The following ARHGAP18 variants were observed in gnomAD, a reference collection of about 807,000 sequenced individuals.
ARHGAP18 encodes Rho GTPase activating protein 18.
In ARHGAP18, 67 loss-of-function variants were observed where a neutral mutation model predicts 86.2. That is an observed-to-expected ratio of 0.78 (90% CI 0.64 to 0.95). The LOEUF (loss-of-function observed/expected upper bound fraction) is 0.95, where lower values mean the gene tolerates loss of function less well. Among genes scored for constraint, ARHGAP18 ranks in the 40% least tolerant of loss-of-function variants. ARHGAP18 has a pLI of 0.00. For missense variants in ARHGAP18, 691 were observed against 780.4 expected (o/e 0.89, Z 1.37); for synonymous variants, 283 against 280.4 (o/e 1.01, Z -0.09).
chr6:129,590,860 T>C (rs6569613), intron 12 of ARHGAP18, among the ~76,000 whole-genome samples: 9,656 of 152,216 alleles, frequency 0.063, 692 homozygotes, highest in African/African-American at 0.18. Flanking sequence ...TTTATTTCTG[T>C]AGTGATTCAT....
chr6:129,700,425 C>T (rs935829838), intron 1 of ARHGAP18, among the ~76,000 whole-genome samples: 2 of 152,124 alleles, frequency 1.3e-5, no homozygotes, highest in African/African-American at 2.4e-5. Context: ...GAGTTCAATA[C>T]CTTTAAACAC....
chr6:129,657,145 C>T (rs72986943), intron 1 of ARHGAP18, among the ~76,000 whole-genome samples: 6,492 of 152,182 alleles, frequency 0.043, 203 homozygotes, highest in Admixed American at 0.076. Context: ...TATTTAGGCC[C>T]AGGTGGGAAG....
intron 1 of ARHGAP18, among the ~76,000 whole-genome samples, chr6:129,698,025 T>G (rs542851154): frequency 6.6e-6 from 1 of 152,208 alleles, no homozygotes; most frequent in Non-Finnish European, 1.5e-5. Flanking sequence ...TTACCTTTTC[T>G]TACTCAAACT....
intron 1 of ARHGAP18, among the ~76,000 whole-genome samples, chr6:129,690,531 T>C (rs550476326): frequency 5.3e-5 from 8 of 152,296 alleles, no homozygotes; most frequent in Admixed American, 4.6e-4. Flanking sequence ...AATTTTAGAA[T>C]CTATAGATAA....
At chr6:129,629,834 G>A (rs1166938592) in intron 4 of ARHGAP18, among the ~76,000 whole-genome samples, 2 of 152,042 alleles carry the variant, frequency 1.3e-5, no homozygotes, top group Admixed American at 1.3e-4. Context: ...AACCTCAAAA[G>A]GTTTTGAAGT....
intron 5 of ARHGAP18, among the ~76,000 whole-genome samples, chr6:129,628,037 G>C (rs550275077): frequency 6.6e-6 from 1 of 152,050 alleles, no homozygotes; most frequent in Non-Finnish European, 1.5e-5. Context: ...ATGAATGTTG[G>C]GGCTGAGTGC....
intron 10 of ARHGAP18, among the ~76,000 whole-genome samples, chr6:129,605,397 T>C (rs1247053631): frequency 1.3e-5 from 2 of 152,164 alleles, no homozygotes; most frequent in East Asian, 1.9e-4. Context: ...AACAATTGTG[T>C]CAAATCACCA....
chr6:129,612,675 A>G (rs544706259), intron 7 of ARHGAP18, among the ~76,000 whole-genome samples: 47 of 152,364 alleles, frequency 3.1e-4, no homozygotes, highest in African/African-American at 1.1e-3. Context: ...TTAGGAGCAA[A>G]GCATCATAAA....
intron 1 of ARHGAP18, among the ~76,000 whole-genome samples, chr6:129,644,522 T>C (rs545342488): frequency 2.5e-4 from 38 of 151,982 alleles, no homozygotes; most frequent in Admixed American, 2.2e-3. Context: ...GCATGTCAAA[T>C]AGACAGATGC....
At chr6:129,581,752 G>T (rs1788294500) in intron 13 of ARHGAP18, among the ~76,000 whole-genome samples, 1 of 152,066 alleles carries the variant, frequency 6.6e-6, no homozygotes, top group Non-Finnish European at 1.5e-5. Context: ...GACGAGGTGG[G>T]GGAGAAAAAG....
chr6:129,660,592 T>C (rs991303868), intron 1 of ARHGAP18, among the ~76,000 whole-genome samples: 1 of 152,146 alleles, frequency 6.6e-6, no homozygotes, highest in Non-Finnish European at 1.5e-5. Context: ...CTAAATGTGC[T>C]CCACGGACCA....
At chr6:129,646,211 C>CTA (rs975666218) in intron 1 of ARHGAP18, among the ~76,000 whole-genome samples, 32 of 152,302 alleles carry the variant, frequency 2.1e-4, no homozygotes, top group African/African-American at 7.2e-4. Context: ...CTCTACTTAA[C>CTA]TGCAATCTTT....
At chr6:129,682,725 A>T (rs2114538394) in intron 1 of ARHGAP18, among the ~76,000 whole-genome samples, 1 of 152,368 alleles carries the variant, frequency 6.6e-6, no homozygotes, top group Non-Finnish European at 1.5e-5. Flanking sequence ...ATTCAGGAAT[A>T]AAGAAAACAA....
At chr6:129,700,193 T>C (rs1774688450) in intron 1 of ARHGAP18, among the ~76,000 whole-genome samples, 1 of 152,228 alleles carries the variant, frequency 6.6e-6, no homozygotes, top group South Asian at 2.1e-4. Flanking sequence ...CAATTATTCT[T>C]TTCTCAAATA....
chr6:129,647,338 A>G (rs11154489), intron 1 of ARHGAP18, among the ~76,000 whole-genome samples: 71,419 of 151,478 alleles, frequency 0.47, 17,817 homozygotes, highest in African/African-American at 0.65. Context: ...TTCTGAGTTC[A>G]TATATTTAAC....
At chr6:129,588,335 T>C (rs1021737475) in intron 12 of ARHGAP18, among the ~76,000 whole-genome samples, 3 of 152,168 alleles carry the variant, frequency 2.0e-5, no homozygotes, top group African/African-American at 7.2e-5. Flanking sequence ...CTGCTGGTCT[T>C]GAACCCCTGA....
intron 14 of ARHGAP18, among the ~76,000 whole-genome samples, chr6:129,579,093 A>G (rs1246355597): frequency 6.6e-6 from 1 of 152,228 alleles, no homozygotes; most frequent in Non-Finnish European, 1.5e-5. Context: ...ATAGGTTTCA[A>G]ATTAATTTAG....
intron 8 of ARHGAP18, among the ~76,000 whole-genome samples, chr6:129,609,781 T>C (rs1788940540): frequency 6.6e-6 from 1 of 152,108 alleles, no homozygotes; most frequent in Non-Finnish European, 1.5e-5. Context: ...TGGAAAATTA[T>C]GATCAGAATA....
chr6:129,653,797 C>A (rs1447299594), intron 1 of ARHGAP18, among the ~76,000 whole-genome samples: 8 of 149,628 alleles, frequency 5.3e-5, no homozygotes, highest in Non-Finnish European at 1.5e-5. Flanking sequence ...TGGGTTAGGG[C>A]AGGGAATTTA....
Sources: allele counts gnomAD v4.1 joint callset (sites outside exome capture counted in the v4.1 genomes callset), GRCh38; gene constraint gnomAD v4.1.1; transcripts MANE v1.5; gene names NCBI Gene and HGNC (gene_info 2026-07-23, HGNC 2026-07-21).